The following PLXNA2 variants were observed in gnomAD, a reference collection of about 807,000 sequenced individuals.
PLXNA2 encodes plexin A2, also known as plexin-A2.
PLXNA2 carries 91 observed loss-of-function variants against 193.5 expected under a neutral mutation model. The observed-to-expected ratio is 0.47, with a 90% CI of 0.40 to 0.56. The LOEUF is 0.56. PLXNA2 is among the 20% of genes least tolerant of loss of function. The pLI is 0.00. For missense variants in PLXNA2, 1,995 were observed against 2,503.2 expected, an observed-to-expected ratio of 0.80 and a Z score of 4.33; for synonymous variants, 997 against 1,027.3, an observed-to-expected ratio of 0.97 and a Z score of 0.56.
intron 3 of PLXNA2, among the ~76,000 whole-genome samples, chr1:208,169,842 A>T (rs10158441): frequency 0.2 from 30,069 of 152,210 alleles, 4,327 homozygotes; most frequent in East Asian, 0.68. Context: ...AAATGAAAAA[A>T]AAAAAAGATG....
intron 4 of PLXNA2, among the ~76,000 whole-genome samples, chr1:208,107,261 G>A (rs1447459158): frequency 2.0e-5 from 3 of 152,158 alleles, no homozygotes; most frequent in Non-Finnish European, 4.4e-5. Context: ...CTCTCCAACC[G>A]ATTCTTACGC....
intron 24 of PLXNA2, among the ~76,000 whole-genome samples, chr1:208,039,225 G>A (rs976172819): frequency 6.6e-6 from 1 of 152,090 alleles, no homozygotes; most frequent in Non-Finnish European, 1.5e-5. Flanking sequence ...CTAGCTCCTG[G>A]ACAGCTTAGG....
chr1:208,139,587 C>T (rs903671659), intron 4 of PLXNA2, among the ~76,000 whole-genome samples: 1 of 152,170 alleles, frequency 6.6e-6, no homozygotes, highest in African/African-American at 2.4e-5. Context: ...GAAATGAAGT[C>T]CAAATCATAC....
chr1:208,092,980 A>G (rs2102403905), intron 8 of PLXNA2, 80 bp from the exon 9 acceptor site: 1 of 961,038 alleles, frequency 1.0e-6, no homozygotes, highest in South Asian at 1.5e-5. Flanking sequence ...GAAGTCTGTT[A>G]ACCTGTGTTT....
At chr1:208,102,384 G>A (rs1268577279) in intron 5 of PLXNA2, among the ~76,000 whole-genome samples, 1 of 152,236 alleles carries the variant, frequency 6.6e-6, no homozygotes, top group Admixed American at 6.5e-5. Context: ...CCTGTCTTTC[G>A]GGGTTTTCAC....
At chr1:208,154,489 C>T (rs1668877420) in intron 3 of PLXNA2, among the ~76,000 whole-genome samples, 1 of 152,142 alleles carries the variant, frequency 6.6e-6, no homozygotes, top group Non-Finnish European at 1.5e-5. Flanking sequence ...TCATCGCACC[C>T]AAAAAGTGGC....
At position 208,029,979 on chromosome 1, in the gene PLXNA2, GCTT is replaced by G. The variant is rs1445482647; in HGVS notation, c.5226-940_5226-938del. 5.1e-6 allele frequency: 5 copies of G among 985,380 alleles called. No individual in the cohort carries two copies. The East Asian group carries it at 3.4e-4, about 67-fold the overall frequency. The allele number at this position is 985,380 out of a possible 1,614,324, so 61.0% of individuals were successfully genotyped here. A position where few individuals can be genotyped will look rare whatever the true frequency, so the allele number is the denominator to read the frequency against. ...CTGAGATGATGTTCCCAGCTCCCCA[GCTT>G]CTTCTTCTCTCCCCTCCTTCATCTT... On this transcript the variant is annotated intron_variant, in intron 29 of 31. Coordinates refer to ENST00000367033, the MANE Select transcript of PLXNA2 (RefSeq NM_025179.4).
chr1:208,207,046 C>T (rs1036756648), intron 3 of PLXNA2, among the ~76,000 whole-genome samples: 3 of 152,048 alleles, frequency 2.0e-5, no homozygotes, highest in Admixed American at 2.0e-4. Context: ...CACTCTGTTG[C>T]TCAGGCTGGA....
chr1:208,114,633 A>T (rs1667582901), intron 4 of PLXNA2, among the ~76,000 whole-genome samples: 1 of 152,236 alleles, frequency 6.6e-6, no homozygotes, highest in Non-Finnish European at 1.5e-5. Flanking sequence ...CATCTTCTCC[A>T]CTATCTCGCA....
chr1:208,210,505 C>G (rs1184766836), intron 2 of PLXNA2, 43 bp from the exon 3 acceptor site: 3 of 1,545,410 alleles, frequency 1.9e-6, no homozygotes, highest in Non-Finnish European at 2.6e-6. Context: ...ACAGTGGAGG[C>G]ATGGTGAAGT....
chr1:208,075,992 A>C (rs1571888625), intron 12 of PLXNA2, among the ~76,000 whole-genome samples: 1 of 144,514 alleles, frequency 6.9e-6, no homozygotes, highest in South Asian at 2.5e-4. Flanking sequence ...CAGGAGGTGG[A>C]GGTTGCAGTG....
In PLXNA2 at chr1:208,044,730, C is replaced by T. The variant is rs374725426; in HGVS notation, c.3652G>A (p.Gly1218Arg). The T allele has an allele frequency of 2.0e-5, 32 of 1,613,294 alleles. No individual in the cohort carries two copies. Among genetic ancestry groups the T allele is most frequent in the South Asian group, 1.5e-4 (14 of 90,960 alleles). The change falls in exon 20 of 32, where the codon GGG (glycine) becomes AGG (arginine). Residue 1218 changes from glycine to arginine, a missense_variant. This residue lies in a region of PLXNA2 where 1,291 missense variants were observed against 1,673.6 expected (regional missense o/e 0.77). Transcript: ENST00000367033. The surrounding 1 kb of genome is among the most constrained non-coding windows in gnomAD (Gnocchi z 4.9). Reference sequence around the variant, plus strand: ...ACCGAGCCAGGCGAGAACACCATCCCGCCCACGTGAACCTGTGCATTGTAC... The same window carrying T: ...ACCGAGCCAGGCGAGAACACCATCCTGCCCACGTGAACCTGTGCATTGTAC... ...GQHKVMVHVG[G>R]MVFSPGSVSV... is the part of the protein sequence containing the mutation.
intron 3 of PLXNA2, among the ~76,000 whole-genome samples, chr1:208,163,822 T>C (rs1669210629): frequency 6.6e-6 from 1 of 152,164 alleles, no homozygotes; most frequent in Non-Finnish European, 1.5e-5. Context: ...GAGTTTGGTG[T>C]CCCCAGTGCT....
chr1:208,215,589 T>C (rs1299900068), intron 2 of PLXNA2, among the ~76,000 whole-genome samples: 1 of 151,668 alleles, frequency 6.6e-6, no homozygotes, highest in African/African-American at 2.4e-5. Flanking sequence ...CAGGGACAGA[T>C]GAATGGAGGT....
At chr1:208,187,269 T>C (rs1373179110) in intron 3 of PLXNA2, among the ~76,000 whole-genome samples, 1 of 152,028 alleles carries the variant, frequency 6.6e-6, no homozygotes, top group African/African-American at 2.4e-5. Context: ...TCTCCAGGGG[T>C]GATTAGCCCT....
intron 24 of PLXNA2, 89 bp downstream of exon 24, chr1:208,039,531 AC>A: frequency 6.5e-7 from 1 of 1,541,736 alleles, no homozygotes; most frequent in Non-Finnish European, 8.9e-7. Context: ...CTCTTTATTG[AC>A]CCCCTAGACT....
At chr1:208,117,746 C>T (rs924779072) in intron 4 of PLXNA2, among the ~76,000 whole-genome samples, 5 of 152,186 alleles carry the variant, frequency 3.3e-5, no homozygotes, top group Admixed American at 2.0e-4. Flanking sequence ...ACTCCTCTGA[C>T]CCCTCTCCTT....
intron 4 of PLXNA2, among the ~76,000 whole-genome samples, chr1:208,138,610 C>G (rs1461656232): frequency 6.6e-6 from 1 of 152,224 alleles, no homozygotes; most frequent in South Asian, 2.1e-4. Context: ...GCTGACCGGG[C>G]GCAGTGGCGC....
chr1:208,199,193 GT>G (rs1440276528), intron 3 of PLXNA2, among the ~76,000 whole-genome samples: 1 of 152,178 alleles, frequency 6.6e-6, no homozygotes, highest in East Asian at 1.9e-4. Context: ...TGCTGGGCAG[GT>G]TCTGGTAAGA....
Sources: allele counts gnomAD v4.1 joint callset (sites outside exome capture counted in the v4.1 genomes callset), GRCh38; gene constraint gnomAD v4.1.1; regional missense constraint gnomAD v4.1.1; non-coding constraint Gnocchi (gnomAD v3.1); transcripts MANE v1.5; gene names NCBI Gene and HGNC (gene_info 2026-07-23, HGNC 2026-07-21).